Variants in RAP2A observed in about 807,000 individuals in gnomAD.
The protein encoded by RAP2A is RAP2A, member of RAS oncogene family.
A neutral mutation model predicts 15.1 loss-of-function variants in RAP2A; 5 were observed. That is an observed-to-expected ratio of 0.33 (90% CI 0.17 to 0.70). The LOEUF is 0.70. RAP2A is among the 30% of genes least tolerant of loss of function. The pLI is 0.68. For missense variants in RAP2A, 111 were observed against 240.3 expected (o/e 0.46, Z 3.56); for synonymous variants, 110 against 99.7 (o/e 1.10, Z -0.62).
chr13:97,453,837 G>A (rs529033882), intron 1 of RAP2A, among the ~76,000 whole-genome samples: 5 of 150,798 alleles, frequency 3.3e-5, no homozygotes, highest in South Asian at 4.2e-4. Context: ...TCTAGTTTGC[G>A]TCCTCGCCAG....
intron 1 of RAP2A, among the ~76,000 whole-genome samples, chr13:97,450,485 G>T (rs959042825): frequency 6.6e-6 from 1 of 151,946 alleles, no homozygotes; most frequent in Admixed American, 6.6e-5. Flanking sequence ...ATATGTGCCC[G>T]AGCTTCAGTT....
Position 97,464,493 on chromosome 13 carries a change from A to G in RAP2A, c.*51A>G, listed in dbSNP as rs1169072888. On this transcript the variant is annotated 3_prime_UTR_variant, in exon 2 of 2. Transcript: ENST00000245304. ...GGATTTGCCCAATGTCGTAGGTGAT[A>G]GAAAACTCGCCTACTCCACTGCAGA... The G allele has an allele frequency of 6.5e-7, 1 of 1,544,288 alleles. No homozygotes were observed.
In RAP2A at chr13:97,465,530, A is replaced by G. The variant is rs1157067910; in HGVS notation, c.*1088A>G. On this transcript the variant is annotated 3_prime_UTR_variant, in exon 2 of 2. Coordinates refer to ENST00000245304, the MANE Select transcript of RAP2A (RefSeq NM_021033.7). ...TTGCAGGCATTTTAAAAATTGAATA[A>G]CCATGTGAAATAATTTGGGCTTAAA... 6.6e-6 allele frequency: 1 copy of G among 152,646 alleles called. No individual in the cohort carries two copies. The highest frequency in any genetic ancestry group is 2.4e-5 in the African/African-American group (1 of 41,438). 9.5% of individuals were successfully genotyped at this position (152,646 alleles called of 1,614,324 possible).
In RAP2A at chr13:97,465,742, G is replaced by A. The variant is rs954469393; in HGVS notation, c.*1300G>A. ...TCTGACATTTTTGGTTTTCATAGTCGTGAAGTATTTATCATTTGCATGACT... is the reference window on the plus strand; with the variant it reads ...TCTGACATTTTTGGTTTTCATAGTCATGAAGTATTTATCATTTGCATGACT... On this transcript the variant is annotated 3_prime_UTR_variant, in exon 2 of 2. Coordinates refer to ENST00000245304, the MANE Select transcript of RAP2A (RefSeq NM_021033.7). The A allele has an allele frequency of 6.6e-6, 1 of 152,172 alleles. No homozygotes were observed. The highest frequency in any genetic ancestry group is 1.5e-5 in the Non-Finnish European group (1 of 68,044). The allele number at this position is 152,172 out of a possible 1,614,324, so 9.4% of individuals were successfully genotyped here. A position where few individuals can be genotyped will look rare whatever the true frequency, so the allele number is the denominator to read the frequency against.
At chr13:97,458,957 T>C (rs1026706096) in intron 1 of RAP2A, among the ~76,000 whole-genome samples, 2 of 152,172 alleles carry the variant, frequency 1.3e-5, no homozygotes, top group Non-Finnish European at 2.9e-5. Flanking sequence ...TTTATTTATT[T>C]ATACATTTAT....
At chr13:97,464,145 A>G (rs2066759741) in intron 1 of RAP2A, 60 bp from the exon 2 acceptor site, 5 of 1,542,622 alleles carry the variant, frequency 3.2e-6, no homozygotes, top group Non-Finnish European at 4.5e-6. Flanking sequence ...AATACACGTG[A>G]CCTGTTTAAC....
At chr13:97,451,310 G>A (rs763066709) in intron 1 of RAP2A, among the ~76,000 whole-genome samples, 5 of 152,020 alleles carry the variant, frequency 3.3e-5, no homozygotes, top group African/African-American at 7.2e-5. Flanking sequence ...GCTGGGATGT[G>A]TACACCTGTA....
chr13:97,452,650 GCACACA>G lies in RAP2A; in HGVS notation c.315-11540_315-11535del, dbSNP rs34107608. On this transcript the variant is annotated intron_variant, in intron 1 of 1. Transcript: ENST00000245304. Reference sequence around the variant, plus strand: ...AAGAATCAGTCACACACACACACACGCACACACACACACACACACAACCAACGGAAC... The same window carrying G: ...AAGAATCAGTCACACACACACACACGCACACACACACACAACCAACGGAAC... Among the ~76,000 whole-genome samples the G allele has an allele frequency of 9.4e-5, 14 of 148,180 alleles. No homozygotes were observed. In the East Asian group the frequency reaches 2.0e-3, roughly 21 times the overall value.
At chr13:97,435,968 T>C (rs2066632429) in intron 1 of RAP2A, 1 of 152,180 alleles carries the variant, frequency 6.6e-6, no homozygotes, top group African/African-American at 2.4e-5. Context: ...GACCAAGTTA[T>C]GTGTACCCAG....
intron 1 of RAP2A, among the ~76,000 whole-genome samples, chr13:97,448,967 G>A (rs911098427): frequency 3.9e-5 from 6 of 152,110 alleles, no homozygotes; most frequent in African/African-American, 1.2e-4. Context: ...GAGCCATCAT[G>A]CCAGCACATA....
At chr13:97,450,095 G>A (rs2066696173) in intron 1 of RAP2A, among the ~76,000 whole-genome samples, 1 of 151,926 alleles carries the variant, frequency 6.6e-6, no homozygotes, top group Admixed American at 6.6e-5. Flanking sequence ...TAATTTAAAA[G>A]TTCCTAAAAA....
At position 97,434,723 on chromosome 13, in the gene RAP2A, G is replaced by C; in HGVS notation, c.253G>C (p.Val85Leu). 1 of 1,614,160 alleles carries C rather than the reference G, an allele frequency of 6.2e-7. No homozygotes were observed. The highest frequency in any genetic ancestry group is 8.5e-7 in the Non-Finnish European group (1 of 1,180,032). ...GQGFILVYSLVNQQSFQDIKP... is the reference protein window; with the variant it reads ...GQGFILVYSLLNQQSFQDIKP... ...GGGCTTCATCCTCGTCTACAGCCTC[G>C]TCAACCAGCAGAGCTTCCAGGACAT... Residue 85 changes from valine (V) to leucine (L), a missense_variant, in exon 1 of 2, where the codon GTC becomes CTC. This residue lies in a region of RAP2A where 74 missense variants were observed against 132.3 expected (regional missense o/e 0.56). Transcript: ENST00000245304.
intron 1 of RAP2A, among the ~76,000 whole-genome samples, chr13:97,455,900 T>C (rs2066720761): frequency 6.6e-6 from 1 of 151,486 alleles, no homozygotes; most frequent in Admixed American, 6.6e-5. Flanking sequence ...TTTAGCTTTC[T>C]GCACTGCCAC....
intron 1 of RAP2A, among the ~76,000 whole-genome samples, chr13:97,454,794 C>T (rs56209531): frequency 0.015 from 2,226 of 151,452 alleles, 118 homozygotes; most frequent in African/African-American, 0.051. Flanking sequence ...ATTTCTTTTA[C>T]AACAGATTTG....
At chr13:97,448,580 G>A (rs567885249) in intron 1 of RAP2A, among the ~76,000 whole-genome samples, 51 of 152,224 alleles carry the variant, frequency 3.4e-4, no homozygotes, top group Admixed American at 2.4e-3. Flanking sequence ...AGCTCATGAC[G>A]TATCCAAGGA....
At chr13:97,435,244 G>C (rs539870059) in intron 1 of RAP2A, among the ~76,000 whole-genome samples, 1 of 152,214 alleles carries the variant, frequency 6.6e-6, no homozygotes, top group African/African-American at 2.4e-5. Context: ...TTCTCATCTC[G>C]TTAAAGGTTT....
rs772050940 is a variant in RAP2A at position 97,464,376 on chromosome 13, G to A, written c.486G>A (p.Arg162=). 1.9e-6 allele frequency: 3 copies of A among 1,614,178 alleles called. No individual in the cohort carries two copies. The South Asian group carries it at 3.3e-5, about 18-fold the overall frequency. The part of the protein sequence containing the change: ...MVDELFAEIV[R]QMNYAAQPDK... The stretch of plus-strand genomic sequence containing the variant: ...ACGAACTCTTTGCAGAAATTGTGAG[G>A]CAGATGAACTATGCTGCTCAGCCTG... The change falls in exon 2 of 2, where the codon AGG becomes AGA. Residue 162 remains arginine (R), a synonymous_variant. Transcript: ENST00000245304.
At chr13:97,442,205 AAAC>A (rs1250643721) in intron 1 of RAP2A, among the ~76,000 whole-genome samples, 3 of 152,146 alleles carry the variant, frequency 2.0e-5, no homozygotes, top group East Asian at 3.8e-4. Flanking sequence ...AAATAACTAA[AAAC>A]AATATTTGAA....
chr13:97,450,613 G>T (rs1412281657), intron 1 of RAP2A, among the ~76,000 whole-genome samples: 1 of 151,302 alleles, frequency 6.6e-6, no homozygotes, highest in African/African-American at 2.4e-5. Flanking sequence ...ACAGATCAAT[G>T]ACCACTTTCG....
Sources: allele counts gnomAD v4.1 joint callset (sites outside exome capture counted in the v4.1 genomes callset), GRCh38; gene constraint gnomAD v4.1.1; regional missense constraint gnomAD v4.1.1; transcripts MANE v1.5; gene names NCBI Gene and HGNC (gene_info 2026-07-23, HGNC 2026-07-21).